The following FUT8 variants were observed in gnomAD, a reference collection of about 807,000 sequenced individuals.
FUT8 encodes fucosyltransferase 8.
Under a neutral mutation model 71.3 loss-of-function variants are expected in FUT8, and 29 were observed. That is an observed-to-expected ratio of 0.41 (90% confidence interval 0.30 to 0.55). The LOEUF is 0.55. Among genes scored for constraint, FUT8 ranks in the 20% least tolerant of loss-of-function variants. The probability of loss-of-function intolerance (pLI) is 0.34; values close to 1 mark genes in which losing one functional copy is unlikely to be tolerated. For synonymous variants in FUT8, 254 were observed against 239.3 expected (o/e 1.06, Z -0.57); for missense variants, 544 against 702.1 (o/e 0.77, Z 2.55).
chr14:65,385,653 G>A, the FUT8 span, among the ~76,000 whole-genome samples: 1 of 152,024 alleles, frequency 6.6e-6, no homozygotes, highest in Non-Finnish European at 1.5e-5. Context: ...TAAAATAATG[G>A]CAGAAGTTAT....
chr14:65,650,598 C>G (rs752420958), intron 6 of FUT8, among the ~76,000 whole-genome samples: 1 of 151,364 alleles, frequency 6.6e-6, no homozygotes, highest in Non-Finnish European at 1.5e-5. Context: ...CCCTCATGAT[C>G]CAGTCACCTT....
At chr14:65,471,287 C>T (rs1291064431) in intron 2 of FUT8, 2 of 160,306 alleles carry the variant, frequency 1.2e-5, no homozygotes, top group Non-Finnish European at 2.9e-5. Context: ...GTTGGTTAGG[C>T]ACTGTAAAAC....
At chr14:65,390,347 T>C in the FUT8 span, among the ~76,000 whole-genome samples, 1 of 150,420 alleles carries the variant, frequency 6.6e-6, no homozygotes, top group African/African-American at 2.4e-5. Context: ...AATACATGCT[T>C]GTAAGTAAGA....
chr14:65,493,576 G>T (rs2066515501), intron 2 of FUT8, among the ~76,000 whole-genome samples: 1 of 152,014 alleles, frequency 6.6e-6, no homozygotes, highest in Non-Finnish European at 1.5e-5. Flanking sequence ...ATAACCTATA[G>T]AATTGATGTT....
intron 9 of FUT8, among the ~76,000 whole-genome samples, chr14:65,731,667 T>C (rs972251013): frequency 3.9e-5 from 6 of 152,164 alleles, no homozygotes; most frequent in African/African-American, 1.2e-4. Flanking sequence ...GGTACCTTTT[T>C]TTAAAAAAAT....
At chr14:65,708,073 TTTA>T (rs1394674761) in intron 7 of FUT8, among the ~76,000 whole-genome samples, 2 of 152,214 alleles carry the variant, frequency 1.3e-5, no homozygotes, top group African/African-American at 4.8e-5. Context: ...ACGGTTATGC[TTTA>T]CATCCCCACC....
At chr14:65,636,882 A>G (rs1890584559) in intron 6 of FUT8, among the ~76,000 whole-genome samples, 1 of 152,222 alleles carries the variant, frequency 6.6e-6, no homozygotes, top group Non-Finnish European at 1.5e-5. Context: ...GCAGTATGGC[A>G]TGGTTTACAA....
At chr14:65,496,473 C>A (rs192536390) in intron 2 of FUT8, among the ~76,000 whole-genome samples, 17 of 152,158 alleles carry the variant, frequency 1.1e-4, no homozygotes, top group South Asian at 2.1e-4. Flanking sequence ...AAGGGAGAGA[C>A]CTGGTGGGAG....
chr14:65,521,785 A>T (rs1354746631), intron 2 of FUT8, among the ~76,000 whole-genome samples: 1 of 151,978 alleles, frequency 6.6e-6, no homozygotes, highest in Admixed American at 6.6e-5. Context: ...TGCTTATTGT[A>T]TCTTGGGCAC....
At chr14:65,610,210 G>A (rs1277517972) in intron 3 of FUT8, among the ~76,000 whole-genome samples, 1 of 151,788 alleles carries the variant, frequency 6.6e-6, no homozygotes, top group Non-Finnish European at 1.5e-5. Context: ...TTGGTCTACT[G>A]GCTAGAATTT....
chr14:65,562,284 A>G (rs969842324), intron 3 of FUT8, among the ~76,000 whole-genome samples: 5 of 152,162 alleles, frequency 3.3e-5, no homozygotes, highest in African/African-American at 4.8e-5. Context: ...ACTCATGTAT[A>G]TTAAAAATTT....
intron 9 of FUT8, among the ~76,000 whole-genome samples, chr14:65,729,216 G>T (rs960564257): frequency 6.6e-6 from 1 of 151,654 alleles, no homozygotes; most frequent in Non-Finnish European, 1.5e-5. Flanking sequence ...AGACGGGATT[G>T]CATGTTGCTC....
chr14:65,429,564 T>C (rs186659967), intron 1 of FUT8, among the ~76,000 whole-genome samples: 1 of 152,164 alleles, frequency 6.6e-6, no homozygotes. Context: ...ATAAACATTA[T>C]ATTAAGACTT....
chr14:65,386,524 A>G, the FUT8 span, among the ~76,000 whole-genome samples: 1 of 151,300 alleles, frequency 6.6e-6, no homozygotes, highest in African/African-American at 2.4e-5. Context: ...AAAAAAAAAA[A>G]AAAAAGAAAG....
rs563473546 is a variant in FUT8 at position 65,422,293 on chromosome 14, G to T, written c.-326+9079G>T. 2.1e-4 allele frequency among the ~76,000 whole-genome samples: 32 copies of T among 152,170 alleles called. 1 individual carries two copies. In the South Asian group the frequency reaches 6.4e-3, roughly 31 times the overall value. On this transcript the variant is annotated intron_variant, in intron 1 of 10. Coordinates refer to ENST00000673929, the MANE Select transcript of FUT8 (RefSeq NM_001371533.1). ...TATCTTTTCCCTTCAAGGCTTGGGG[G>T]TTTGTAGCATTATAGATAAGGGCAG...
chr14:65,522,240 T>C (rs1276575489), intron 2 of FUT8, among the ~76,000 whole-genome samples: 1 of 152,222 alleles, frequency 6.6e-6, no homozygotes, highest in Admixed American at 6.5e-5. Context: ...ACTTTTCCTT[T>C]TGGTGCCCTG....
intron 3 of FUT8, among the ~76,000 whole-genome samples, chr14:65,593,602 T>C (rs1887806511): frequency 6.6e-6 from 1 of 150,464 alleles, no homozygotes; most frequent in African/African-American, 2.4e-5. Flanking sequence ...TGAGACAGAG[T>C]TTTGTTCTTT....
At chr14:65,729,652 C>T (rs1895872656) in intron 9 of FUT8, among the ~76,000 whole-genome samples, 1 of 151,938 alleles carries the variant, frequency 6.6e-6, no homozygotes, top group African/African-American at 2.4e-5. Context: ...GTAGCTGGGA[C>T]TACAGGCACA....
At chr14:65,707,476 G>A (rs973181836) in intron 7 of FUT8, among the ~76,000 whole-genome samples, 2 of 151,670 alleles carry the variant, frequency 1.3e-5, no homozygotes, top group Non-Finnish European at 2.9e-5. Flanking sequence ...TTTCTTTGCT[G>A]TACAGAACGT....
Sources: allele counts gnomAD v4.1 joint callset (sites outside exome capture counted in the v4.1 genomes callset), GRCh38; gene constraint gnomAD v4.1.1; transcripts MANE v1.5; gene names NCBI Gene and HGNC (gene_info 2026-07-23, HGNC 2026-07-21).